ERLEC1: variants seen among roughly 807,000 people sequenced by gnomAD.
ERLEC1 encodes the protein endoplasmic reticulum lectin 1, also known as ER lectin.
In ERLEC1, 47 loss-of-function variants were observed where a neutral mutation model predicts 68.0. That is an observed-to-expected ratio of 0.69 (90% CI 0.55 to 0.88). The LOEUF (loss-of-function observed/expected upper bound fraction) is 0.88. Ranked by LOEUF, ERLEC1 falls within the 40% of genes least tolerant of loss-of-function variation. The pLI is 0.00. For synonymous variants in ERLEC1, 225 were observed against 203.2 expected, an observed-to-expected ratio of 1.11 and a Z score of -0.91; for missense variants, 567 against 583.8, an observed-to-expected ratio of 0.97 and a Z score of 0.30.
chr2:53,813,054 G>A lies in ERLEC1; in HGVS notation c.1207G>A (p.Asp403Asn), dbSNP rs1558607140. 2.5e-6 allele frequency: 4 copies of A among 1,611,962 alleles called. No individual in the cohort carries two copies. Among genetic ancestry groups the A allele is most frequent in the East Asian group, 2.2e-5 (1 of 44,780 alleles). ...NTARAYHLQD[D>N]GTQTVRMVSH... ...TGCTAGAGCTTATCATCTTCAAGAC[G>A]ATGGTACCCAGACAGTCAGGTAAAG... The change falls in exon 11 of 14, where the codon GAT becomes AAT. Residue 403 changes from aspartate (D) to asparagine (N), a missense_variant. Physicochemically the swap from Asp to Asn is conservative, Grantham distance 23. Coordinates refer to ENST00000185150, the MANE Select transcript of ERLEC1 (RefSeq NM_015701.5).
At chr2:53,790,547 A>G (rs577789916) in intron 1 of ERLEC1, among the ~76,000 whole-genome samples, 2 of 152,368 alleles carry the variant, frequency 1.3e-5, no homozygotes, top group East Asian at 3.9e-4. Context: ...TTGTCTTCCC[A>G]TTCAGATATA....
chr2:53,815,004 T>G, intron 13 of ERLEC1, 69 bp downstream of exon 13: 5 of 965,056 alleles, frequency 5.2e-6, no homozygotes, highest in Non-Finnish European at 6.1e-6. Flanking sequence ...TCTTTTTTTT[T>G]TTTTTTTTTT....
chr2:53,794,492 AT>A, intron 2 of ERLEC1, 43 bp downstream of exon 2: 1 of 904,462 alleles, frequency 1.1e-6, no homozygotes, highest in Non-Finnish European at 1.8e-6. Context: ...CACCAAAAAT[AT>A]TTATGTAAAA....
chr2:53,797,382 C>A (rs1675769427), intron 3 of ERLEC1, 133 bp from the exon 4 acceptor site: 1 of 601,358 alleles, frequency 1.7e-6, no homozygotes, highest in Non-Finnish European at 2.8e-6. Context: ...TTTTTTGAGG[C>A]ATAATTATAA....
intron 6 of ERLEC1, among the ~76,000 whole-genome samples, chr2:53,800,660 T>C (rs2104302203): frequency 6.6e-6 from 1 of 152,268 alleles, no homozygotes; most frequent in South Asian, 2.1e-4. Flanking sequence ...ACAGTGCCTT[T>C]TTAAAGTTCT....
chr2:53,798,757 C>T (rs1403736071), intron 5 of ERLEC1, among the ~76,000 whole-genome samples: 1 of 151,592 alleles, frequency 6.6e-6, no homozygotes, highest in Non-Finnish European at 1.5e-5. Flanking sequence ...TCAGATTGGT[C>T]AGTTAATTTA....
At chr2:53,806,232 C>T (rs759471563) in intron 8 of ERLEC1, among the ~76,000 whole-genome samples, 8 of 152,096 alleles carry the variant, frequency 5.3e-5, no homozygotes, top group Non-Finnish European at 1.0e-4. Flanking sequence ...ATTTTCTACT[C>T]TACTATATAA....
chr2:53,814,520 A>G (rs201072909), intron 11 of ERLEC1, 23 bp from the exon 12 acceptor site: 105 of 1,579,732 alleles, frequency 6.6e-5, no homozygotes, highest in Non-Finnish European at 8.4e-5. Flanking sequence ...GTTTAATAAA[A>G]CTTGTGTGTT....
At chr2:53,792,024 G>T (rs1333209604) in intron 1 of ERLEC1, among the ~76,000 whole-genome samples, 1 of 151,504 alleles carries the variant, frequency 6.6e-6, no homozygotes, top group Admixed American at 6.6e-5. Context: ...CCATTCACCT[G>T]CCTCAGCCTC....
chr2:53,802,661 A>G (rs1676066766), intron 8 of ERLEC1, among the ~76,000 whole-genome samples: 2 of 152,288 alleles, frequency 1.3e-5, no homozygotes, highest in Admixed American at 6.5e-5. Flanking sequence ...GTGTAATACA[A>G]ACCCCTTTGT....
chr2:53,801,272 G>A, intron 6 of ERLEC1, 125 bp from the exon 7 acceptor site: 2 of 626,160 alleles, frequency 3.2e-6, no homozygotes, highest in Admixed American at 3.2e-5. Flanking sequence ...AAATATAGAA[G>A]TGTTACCTTT....
intron 7 of ERLEC1, 38 bp downstream of exon 7, chr2:53,801,658 C>T: frequency 6.2e-7 from 1 of 1,612,580 alleles, no homozygotes; most frequent in East Asian, 2.2e-5. Flanking sequence ...ATAAAATGCA[C>T]ACATGCTTTA....
intron 1 of ERLEC1, 50 bp downstream of exon 1, chr2:53,787,422 G>T: frequency 3.2e-6 from 5 of 1,550,296 alleles, no homozygotes; most frequent in East Asian, 2.3e-5. Context: ...GACACTAAGG[G>T]TTCGGCCTCT....
intron 1 of ERLEC1, 39 bp from the exon 2 acceptor site, chr2:53,794,306 C>A: frequency 1.1e-6 from 1 of 890,812 alleles, no homozygotes; most frequent in Non-Finnish European, 1.7e-6. Context: ...GATACAATTT[C>A]ACGGAGAACA....
intron 1 of ERLEC1, among the ~76,000 whole-genome samples, chr2:53,789,553 A>G (rs1467903194): frequency 1.3e-5 from 2 of 152,110 alleles, no homozygotes; most frequent in Non-Finnish European, 2.9e-5. Flanking sequence ...TCACCATTGC[A>G]TCTGGCTTTT....
At chr2:53,817,857 C>G (rs111988689) in intron 13 of ERLEC1, 41 bp from the exon 14 acceptor site, 5 of 1,279,440 alleles carry the variant, frequency 3.9e-6, no homozygotes, top group African/African-American at 1.5e-5. Context: ...GAAAAGTATT[C>G]AGCTTAGCAA....
chr2:53,801,842 G>T lies in ERLEC1; in HGVS notation c.879G>T (p.Glu293Asp). 1 of 1,611,990 alleles carries T rather than the reference G, an allele frequency of 6.2e-7. No individual in the cohort carries two copies. The highest frequency in any genetic ancestry group is 8.5e-7 in the Non-Finnish European group (1 of 1,179,118). The change falls in exon 8 of 14, where the codon GAG (glutamate) becomes GAT (aspartate). Residue 293 changes from glutamate to aspartate, a missense_variant and splice_region_variant. Coordinates refer to ENST00000185150, the MANE Select transcript of ERLEC1 (RefSeq NM_015701.5). ...ILRVPFRRNK[E>D]EDLQSTKEER... ...GGGTGCCTTTTAGGAGAAATAAAGA[G>T]GTATGAGAATTGTCTAATGATAGCT...
intron 10 of ERLEC1, among the ~76,000 whole-genome samples, chr2:53,812,361 A>C (rs1271421535): frequency 1.3e-5 from 2 of 152,226 alleles, no homozygotes; most frequent in Non-Finnish European, 2.9e-5. Flanking sequence ...CATATAAGAC[A>C]GTATATAGTT....
At chr2:53,807,633 T>G (rs1157342453) in intron 8 of ERLEC1, among the ~76,000 whole-genome samples, 1 of 152,184 alleles carries the variant, frequency 6.6e-6, no homozygotes, top group African/African-American at 2.4e-5. Context: ...TGTTATTCTT[T>G]CTTTACCCTT....
Sources: gnomAD v4.1 joint callset for allele counts (sites outside exome capture counted in the v4.1 genomes callset) on GRCh38, gnomAD v4.1.1 for gene constraint, MANE v1.5 for transcripts, NCBI Gene and HGNC (gene_info 2026-07-23, HGNC 2026-07-21) for gene names.